FAT3: variants seen among roughly 807,000 people sequenced by gnomAD.
FAT3 encodes the protein protocadherin Fat 3.
In FAT3, 95 loss-of-function variants were observed where a neutral mutation model predicts 310.2. That is an observed-to-expected ratio of 0.31 (90% CI 0.26 to 0.36). The LOEUF (loss-of-function observed/expected upper bound fraction) is 0.36. Among genes scored for constraint, FAT3 ranks in the 10% least tolerant of loss-of-function variants. The pLI, the probability that FAT3 is intolerant of heterozygous loss-of-function variation, is 1.00. For missense variants in FAT3, 5,408 were observed against 5,715.6 expected, an observed-to-expected ratio of 0.95 and a Z score of 1.74; for synonymous variants, 2,314 against 2,192.9, an observed-to-expected ratio of 1.06 and a Z score of -1.54.
At chr11:92,503,112 G>GT (rs1437839542) in intron 2 of FAT3, among the ~76,000 whole-genome samples, 1 of 152,046 alleles carries the variant, frequency 6.6e-6, no homozygotes, top group African/African-American at 2.4e-5. Context: ...CAGTCCCTTG[G>GT]TGTTAGGGTT....
At chr11:92,584,231 C>G (rs529325683) in intron 3 of FAT3, among the ~76,000 whole-genome samples, 10 of 152,092 alleles carry the variant, frequency 6.6e-5, no homozygotes, top group African/African-American at 1.9e-4. Flanking sequence ...ATCAGCTGTT[C>G]GTACATAGCT....
chr11:92,865,578 CT>C (rs1347643742), intron 21 of FAT3, among the ~76,000 whole-genome samples: 7 of 152,220 alleles, frequency 4.6e-5, no homozygotes, highest in African/African-American at 1.7e-4. Flanking sequence ...AGAAAAGAAG[CT>C]TTTATTTCAC....
rs1949924213 is a variant in FAT3, at chr11:92,891,875, C to T, written c.*762C>T. 6.6e-6 allele frequency: 1 copy of T among 152,156 alleles called. No homozygotes were observed. Among genetic ancestry groups the T allele is most frequent in the African/African-American group, 2.4e-5 (1 of 41,434 alleles). The allele number at this position is 152,156 out of a possible 1,614,324, so 9.4% of individuals were successfully genotyped here. On this transcript the variant is annotated 3_prime_UTR_variant, in exon 28 of 28. Coordinates refer to ENST00000525166, the MANE Select transcript of FAT3 (RefSeq NM_001367949.2). ...TGAACATTAGAAAGAATGTGATTATCTGGTTGGTTTTGTGTTTTCTGGTAA... is the reference window on the plus strand; with the variant it reads ...TGAACATTAGAAAGAATGTGATTATTTGGTTGGTTTTGTGTTTTCTGGTAA...
At chr11:92,570,168 G>C (rs138085247) in intron 3 of FAT3, among the ~76,000 whole-genome samples, 279 of 152,248 alleles carry the variant, frequency 1.8e-3, no homozygotes, top group African/African-American at 6.3e-3. Flanking sequence ...AACTATAATT[G>C]ATTTAAGTTG....
In FAT3 at chr11:92,684,820, C is replaced by T. The variant is rs114623550; in HGVS notation, c.3608-12564C>T. ...TTCCTGACTCTTTCAATGATTCTCT[C>T]ATTTGATTTACATTTCTTTTTCTTT... On this transcript the variant is annotated intron_variant, in intron 3 of 27. Coordinates refer to ENST00000525166, the MANE Select transcript of FAT3 (RefSeq NM_001367949.2). Among the ~76,000 whole-genome samples, 1,139 of 152,226 alleles carry T rather than the reference C, an allele frequency of 7.5e-3. 16 individuals carry two copies. The highest frequency in any genetic ancestry group is 0.026 in the African/African-American group (1,076 of 41,540).
chr11:92,880,744 C>T lies in FAT3; in HGVS notation c.12141C>T (p.Thr4047=), dbSNP rs1368660402. Residue 4047 remains threonine (T), a synonymous_variant, in exon 23 of 28, where the codon ACC becomes ACT. Coordinates refer to ENST00000525166, the MANE Select transcript of FAT3 (RefSeq NM_001367949.2). ...CTGTTTCCCCAGGCTATCAGTGTAC[C>T]TGTCTCTCACAGTTTACGGGGAGAA... The part of the protein sequence containing the change: ...TGLPSGGYQC[T]CLSQFTGRNC... 6 of 1,613,430 alleles carry T rather than the reference C, an allele frequency of 3.7e-6. No individual in the cohort carries two copies. Among genetic ancestry groups the T allele is most frequent in the Non-Finnish European group, 5.1e-6 (6 of 1,179,686 alleles).
chr11:92,502,479 A>G (rs1269879498), intron 2 of FAT3, among the ~76,000 whole-genome samples: 1 of 152,086 alleles, frequency 6.6e-6, no homozygotes, highest in African/African-American at 2.4e-5. Context: ...GATGAGTAAC[A>G]GGCATCTTAT....
chr11:92,265,299 T>G (rs1315894944), intron 1 of FAT3, among the ~76,000 whole-genome samples: 1 of 151,812 alleles, frequency 6.6e-6, no homozygotes, highest in African/African-American at 2.4e-5. Context: ...TTATATATCC[T>G]CTCCTTCTAT....
At chr11:92,431,210 G>C (rs1182025588) in intron 2 of FAT3, among the ~76,000 whole-genome samples, 1 of 152,182 alleles carries the variant, frequency 6.6e-6, no homozygotes, top group Admixed American at 6.6e-5. Context: ...ATTCTAACTG[G>C]TGTGAGATGA....
intron 1 of FAT3, among the ~76,000 whole-genome samples, chr11:92,253,732 G>C (rs954394617): frequency 1.3e-5 from 2 of 152,144 alleles, no homozygotes; most frequent in East Asian, 1.9e-4. Context: ...AATTGTGACT[G>C]TGGTTTAGTC....
At chr11:92,602,133 G>A (rs1272684751) in intron 3 of FAT3, among the ~76,000 whole-genome samples, 3 of 151,946 alleles carry the variant, frequency 2.0e-5, no homozygotes, top group Non-Finnish European at 4.4e-5. Flanking sequence ...GAGTGCAATG[G>A]CGCAATCTCG....
At chr11:92,259,496 C>CA (rs996498331) in intron 1 of FAT3, among the ~76,000 whole-genome samples, 12 of 147,630 alleles carry the variant, frequency 8.1e-5, no homozygotes, top group African/African-American at 1.7e-4. Flanking sequence ...TTGAAATTTC[C>CA]AAAAAAAAGA....
intron 1 of FAT3, among the ~76,000 whole-genome samples, chr11:92,312,661 G>A (rs1947340665): frequency 6.6e-6 from 1 of 152,142 alleles, no homozygotes; most frequent in Non-Finnish European, 1.5e-5. Context: ...CTTTTTGTGA[G>A]TATATTTTAG....
At chr11:92,497,668 A>T (rs1952804717) in intron 2 of FAT3, among the ~76,000 whole-genome samples, 1 of 152,038 alleles carries the variant, frequency 6.6e-6, no homozygotes. Context: ...CACAGTTTAA[A>T]TTAGTCAGAA....
At chr11:92,559,108 T>C (rs1328442807) in intron 3 of FAT3, among the ~76,000 whole-genome samples, 1 of 152,162 alleles carries the variant, frequency 6.6e-6, no homozygotes, top group Non-Finnish European at 1.5e-5. Flanking sequence ...AAAACATGCT[T>C]TTTGTTATTT....
chr11:92,798,383 C>G lies in FAT3; in HGVS notation c.5370C>G (p.Ser1790Arg). ...CCCCAATTAATAGCATTGTCAGGAG[C>G]TTGGATAACAGCCCACTGGTGATTC... ...EAAPINSIVR[S>R]LDNSPLVIRA... Residue 1790 changes from serine to arginine, a missense_variant, in exon 10 of 28, where the codon AGC becomes AGG. Ser to Arg is a moderately radical substitution (Grantham distance 110, BLOSUM62 -1). Transcript: ENST00000525166. The G allele has an allele frequency of 1.2e-6, 2 of 1,613,288 alleles. No individual in the cohort carries two copies. The highest frequency in any genetic ancestry group is 1.7e-6 in the Non-Finnish European group (2 of 1,179,734).
At chr11:92,834,635 C>T (rs1948351477) in intron 14 of FAT3, among the ~76,000 whole-genome samples, 1 of 152,198 alleles carries the variant, frequency 6.6e-6, no homozygotes, top group African/African-American at 2.4e-5. Context: ...TAAACTGTTA[C>T]AGAAACATGT....
At chr11:92,704,174 T>C (rs1944191801) in intron 4 of FAT3, among the ~76,000 whole-genome samples, 1 of 152,338 alleles carries the variant, frequency 6.6e-6, no homozygotes, top group Non-Finnish European at 1.5e-5. Flanking sequence ...TCAGTCTCTA[T>C]GCATCTGAAG....
intron 2 of FAT3, among the ~76,000 whole-genome samples, chr11:92,448,169 AAATT>A (rs777283904): frequency 2.0e-5 from 3 of 152,272 alleles, no homozygotes; most frequent in Non-Finnish European, 4.4e-5. Context: ...AAGATTGAGT[AAATT>A]AATTTATGAA....
Sources: gnomAD v4.1 joint callset for allele counts (sites outside exome capture counted in the v4.1 genomes callset) on GRCh38, gnomAD v4.1.1 for gene constraint, MANE v1.5 for transcripts, NCBI Gene and HGNC (gene_info 2026-07-23, HGNC 2026-07-21) for gene names.